Variants in HDC observed in about 807,000 individuals in gnomAD.
HDC encodes the protein histidine decarboxylase.
A neutral mutation model predicts 64.4 loss-of-function variants in HDC; 27 were observed. The ratio of observed to expected loss-of-function variants is 0.42; its 90% confidence interval spans 0.31 to 0.58. The LOEUF is 0.58. Among genes scored for constraint, HDC ranks in the 20% least tolerant of loss-of-function variants. The pLI is 0.16. For missense variants in HDC, 711 were observed against 833.9 expected, an observed-to-expected ratio of 0.85 and a Z score of 1.81; for synonymous variants, 305 against 314.2, an observed-to-expected ratio of 0.97 and a Z score of 0.31.
chr15:50,264,965 A>G (rs140643558), intron 1 of HDC, among the ~76,000 whole-genome samples: 92 of 152,336 alleles, frequency 6.0e-4, no homozygotes, highest in African/African-American at 2.2e-3. Flanking sequence ...TAGGAAAGCA[A>G]TGGAATAAGC....
At chr15:50,246,118 GA>G (rs1158779769) in intron 10 of HDC, among the ~76,000 whole-genome samples, 1 of 152,104 alleles carries the variant, frequency 6.6e-6, no homozygotes, top group Non-Finnish European at 1.5e-5. Flanking sequence ...AGGCTTCAGG[GA>G]AAGTCCCGGG....
chr15:50,259,697 CCAGCTCCCA>C (rs1429046923), intron 2 of HDC, among the ~76,000 whole-genome samples: 1 of 152,184 alleles, frequency 6.6e-6, no homozygotes, highest in Non-Finnish European at 1.5e-5. Flanking sequence ...GAACTCTCCC[CCAGCTCCCA>C]CAGCTCCCTT....
intron 9 of HDC, among the ~76,000 whole-genome samples, chr15:50,249,310 C>A (rs943888741): frequency 4.6e-5 from 7 of 152,214 alleles, no homozygotes; most frequent in African/African-American, 1.4e-4. Context: ...TAATGAGTCA[C>A]GTGGTTTCCT....
chr15:50,254,110 AGGCATATATCCT>A lies in HDC; in HGVS notation c.720+8_720+19del, dbSNP rs768786983. On this transcript the variant is annotated splice_region_variant and intron_variant, in intron 6 of 11. Transcript: ENST00000267845. Reference sequence around the variant, plus strand: ...ATCCAAGTTCTATCATTCTAAGCTTAGGCATATATCCTGACTTACAAAGACGGGCACCAAGCC... The same window carrying A: ...ATCCAAGTTCTATCATTCTAAGCTTAGACTTACAAAGACGGGCACCAAGCC... The A allele has an allele frequency of 3.1e-6, 5 of 1,613,732 alleles. No individual in the cohort carries two copies. The East Asian group carries it at 6.7e-5, about 22-fold the overall frequency.
chr15:50,258,740 A>AT (rs1936032934), intron 2 of HDC, among the ~76,000 whole-genome samples: 2 of 152,222 alleles, frequency 1.3e-5, no homozygotes, highest in Non-Finnish European at 1.5e-5. Context: ...GAGCCTTTTC[A>AT]TATATGCAAA....
Position 50,242,616 on chromosome 15 carries a change from G to C in HDC, c.1633C>G (p.Leu545Val). The change falls in exon 12 of 12, where the codon CTG becomes GTG. Residue 545 changes from leucine (L) to valine (V), a missense_variant. Coordinates refer to ENST00000267845, the MANE Select transcript of HDC (RefSeq NM_002112.4). ...AAGCAGTCATCAACTGGGTCCAGCA[G>C]GGTTTCAAGATGGAGGCCATTTTCC... is the stretch of plus-strand genomic sequence containing the variant. ...KRENGLHLETLLDPVDDCFSE... is the reference protein window; with the variant it reads ...KRENGLHLETVLDPVDDCFSE... 1 of 1,614,200 alleles carries C rather than the reference G, an allele frequency of 6.2e-7. No individual in the cohort carries two copies. The highest frequency in any genetic ancestry group is 8.5e-7 in the Non-Finnish European group (1 of 1,180,030).
rs993332197 is a variant in HDC at position 50,254,044 on chromosome 15, G to A, written c.720+86C>T. The A allele has an allele frequency of 3.6e-6, 5 of 1,396,320 alleles. No individual in the cohort carries two copies. The African/African-American group carries it at 7.1e-5, about 20-fold the overall frequency. 86.5% of individuals were successfully genotyped at this position (1,396,320 alleles called of 1,614,324 possible). A position where few individuals can be genotyped will look rare whatever the true frequency, so the allele number is the denominator to read the frequency against. The stretch of plus-strand genomic sequence containing the variant: ...GAGGACCTTTCTGCTTTTGTGTGCA[G>A]CATGTTACTTACCTGAATTCTGCCA... On this transcript the variant is annotated intron_variant, in intron 6 of 11. Transcript: ENST00000267845.
chr15:50,242,107 G>C lies in HDC; in HGVS notation c.*153C>G. On this transcript the variant is annotated 3_prime_UTR_variant, in exon 12 of 12. Transcript: ENST00000267845. ...AAACTCTTCGTTTGTATCCTATTGT[G>C]GGTCATGAACCCCTATGAGAATTTG... is the stretch of plus-strand genomic sequence containing the variant. 1 of 730,964 alleles carries C rather than the reference G, an allele frequency of 1.4e-6. No homozygotes were observed. Among genetic ancestry groups the C allele is most frequent in the Non-Finnish European group, 2.4e-6 (1 of 415,000 alleles). The allele number at this position is 730,964 out of a possible 1,614,324, so 45.3% of individuals were successfully genotyped here. A position where few individuals can be genotyped will look rare whatever the true frequency, so the allele number is the denominator to read the frequency against.
chr15:50,242,985 T>C lies in HDC; in HGVS notation c.1264A>G (p.Asn422Asp). Residue 422 changes from asparagine to aspartate, a missense_variant, in exon 12 of 12, where the codon AAT becomes GAT. Asn to Asp is a conservative substitution (Grantham distance 23, BLOSUM62 1). Around this residue, in one of 3 missense-constraint regions of HDC, gnomAD observed 483 missense variants for 540.9 expected, o/e 0.89. Transcript: ENST00000267845. ...GCTTTAGCTATTTCCTTTAACACAT[T>C]TTCTGTGAGACAATTAGGACCCTGT... ...RLKGPNCLTE[N>D]VLKEIAKAGR... 6.2e-7 allele frequency: 1 copy of C among 1,614,016 alleles called. No individual in the cohort carries two copies. The highest frequency in any genetic ancestry group is 8.5e-7 in the Non-Finnish European group (1 of 1,180,006).
Position 50,254,116 on chromosome 15 carries a change from A to G in HDC, c.720+14T>C, listed in dbSNP as rs576452206. The stretch of plus-strand genomic sequence containing the variant: ...GTTCTATCATTCTAAGCTTAGGCAT[A>G]TATCCTGACTTACAAAGACGGGCAC... On this transcript the variant is annotated intron_variant, in intron 6 of 11. Transcript: ENST00000267845. 1.2e-6 allele frequency: 2 copies of G among 1,614,072 alleles called. No individual in the cohort carries two copies. The highest frequency in any genetic ancestry group is 1.7e-6 in the Non-Finnish European group (2 of 1,179,972).
chr15:50,251,977 A>T (rs2045562204), intron 9 of HDC, among the ~76,000 whole-genome samples: 1 of 152,190 alleles, frequency 6.6e-6, no homozygotes, highest in Admixed American at 6.5e-5. Context: ...GCCCATCACT[A>T]CCACAGAGCT....
At position 50,242,064 on chromosome 15, in the gene HDC, TC is replaced by T. The variant is rs2045399886; in HGVS notation, c.*195del. 1.6e-6 allele frequency: 1 copy of T among 621,482 alleles called. No homozygotes were observed. The highest frequency in any genetic ancestry group is 2.8e-6 in the Non-Finnish European group (1 of 351,514). The allele number at this position is 621,482 out of a possible 1,614,324, so 38.5% of individuals were successfully genotyped here. ...CTCACTGACCAGACTGCTGAACCCA[TC>T]TGGATCATGCTGGCTTAAACTCTTC... On this transcript the variant is annotated 3_prime_UTR_variant, in exon 12 of 12. Coordinates refer to ENST00000267845, the MANE Select transcript of HDC (RefSeq NM_002112.4).
At chr15:50,249,361 T>C (rs1755757531) in intron 9 of HDC, among the ~76,000 whole-genome samples, 1 of 152,216 alleles carries the variant, frequency 6.6e-6, no homozygotes, top group South Asian at 2.1e-4. Flanking sequence ...TCTACCACAA[T>C]TTCTGTTGAC....
At chr15:50,260,713 A>G (rs1479314160) in intron 2 of HDC, among the ~76,000 whole-genome samples, 2 of 152,156 alleles carry the variant, frequency 1.3e-5, no homozygotes, top group Non-Finnish European at 2.9e-5. Context: ...GCAGGCGAGA[A>G]CTGGGGCTGA....
At chr15:50,244,058 C>T (rs2045442998) in intron 10 of HDC, among the ~76,000 whole-genome samples, 1 of 152,148 alleles carries the variant, frequency 6.6e-6, no homozygotes, top group African/African-American at 2.4e-5. Flanking sequence ...TATTAATCTT[C>T]CACTGAAGTT....
Position 50,242,750 on chromosome 15 carries a change from C to G in HDC, c.1499G>C (p.Trp500Ser). 6.2e-7 allele frequency: 1 copy of G among 1,614,024 alleles called. No individual in the cohort carries two copies. Among genetic ancestry groups the G allele is most frequent in the Non-Finnish European group, 8.5e-7 (1 of 1,180,036 alleles). Residue 500 changes from tryptophan to serine, a missense_variant, in exon 12 of 12, where the codon TGG becomes TCG. Trp to Ser is a radical substitution (Grantham distance 177, BLOSUM62 -3). Transcript: ENST00000267845. ...AGACTGAAGGGACGTTCCACAGGCC[C>G]AGGCTCTGGCACCCCTGATTTGGGA... ...LISQIRGARAWACGTSLQSVS... is the reference protein window; with the variant it reads ...LISQIRGARASACGTSLQSVS...
chr15:50,253,441 T>A, intron 7 of HDC, 159 bp downstream of exon 7: 1 of 741,560 alleles, frequency 1.3e-6, no homozygotes, highest in Non-Finnish European at 2.4e-6. Flanking sequence ...CAGGGATCCC[T>A]GGAAGAGACC....
chr15:50,265,522 G>A, intron 1 of HDC, 71 bp downstream of exon 1: 1 of 1,407,530 alleles, frequency 7.1e-7, no homozygotes, highest in Non-Finnish European at 1.0e-6. Flanking sequence ...CAGAATCTAA[G>A]GGCCACCCAC....
At position 50,242,682 on chromosome 15, in the gene HDC, T is replaced by C; in HGVS notation, c.1567A>G (p.Ile523Val). The change falls in exon 12 of 12, where the codon ATC becomes GTC. Residue 523 changes from isoleucine (I) to valine (V), a missense_variant. Ile to Val is a conservative substitution (Grantham distance 29). This residue lies in a region of HDC where 483 missense variants were observed against 540.9 expected (regional missense o/e 0.89). Transcript: ENST00000267845. ...GDDPVQARKI[I>V]KQPQRVGAGP... Reference sequence around the variant, plus strand: ...GCTCCCACACGCTGAGGCTGCTTGATGATCTTCCTGGCCTGGACTGGATCA... The same window carrying C: ...GCTCCCACACGCTGAGGCTGCTTGACGATCTTCCTGGCCTGGACTGGATCA... The C allele has an allele frequency of 6.2e-7, 1 of 1,614,182 alleles. No homozygotes were observed. The highest frequency in any genetic ancestry group is 8.5e-7 in the Non-Finnish European group (1 of 1,180,028).
Sources: allele counts gnomAD v4.1 joint callset (sites outside exome capture counted in the v4.1 genomes callset), GRCh38; gene constraint gnomAD v4.1.1; regional missense constraint gnomAD v4.1.1; transcripts MANE v1.5; gene names NCBI Gene and HGNC (gene_info 2026-07-23, HGNC 2026-07-21).